MCF2L: variants seen among roughly 807,000 people sequenced by gnomAD.
MCF2L encodes the protein MCF.2 cell line derived transforming sequence like, also known as guanine nucleotide exchange factor DBS.
A neutral mutation model predicts 153.4 loss-of-function variants in MCF2L; 97 were observed. The observed-to-expected ratio is 0.63, with a 90% CI of 0.54 to 0.75. MCF2L has a LOEUF of 0.75. Among genes scored for constraint, MCF2L ranks in the 30% least tolerant of loss-of-function variants. MCF2L has a pLI of 0.00. For missense variants in MCF2L, 1,347 were observed against 1,495.2 expected, an observed-to-expected ratio of 0.90 and a Z score of 1.64; for synonymous variants, 659 against 632.2, an observed-to-expected ratio of 1.04 and a Z score of -0.64.
At chr13:112,934,479 C>T (rs947509009) in intron 2 of MCF2L, among the ~76,000 whole-genome samples, 2 of 150,924 alleles carry the variant, frequency 1.3e-5, no homozygotes, top group Non-Finnish European at 3.0e-5. Flanking sequence ...GCAACTCAGA[C>T]CCCTGGGCCC....
chr13:113,036,419 C>T (rs565670608), intron 3 of MCF2L, among the ~76,000 whole-genome samples: 21 of 152,338 alleles, frequency 1.4e-4, no homozygotes, highest in African/African-American at 4.6e-4. Flanking sequence ...CCAAGGCTGC[C>T]TGTGTCTCTG....
chr13:113,046,766 C>A lies in MCF2L; in HGVS notation c.369+1405C>A. The stretch of plus-strand genomic sequence containing the variant: ...GGCGGATCCCCGTTCCTGACCCTGA[C>A]TCAACCTGGCACACACCACCTATGG... On this transcript the variant is annotated intron_variant, in intron 4 of 29. Transcript: ENST00000535094. The surrounding 1 kb of genome is among the most constrained non-coding windows in gnomAD (Gnocchi z 4.4). 2.2e-6 allele frequency: 1 copy of A among 454,146 alleles called. No individual in the cohort carries two copies. Among genetic ancestry groups the A allele is most frequent in the South Asian group, 1.7e-5 (1 of 59,148 alleles). The allele number at this position is 454,146 out of a possible 1,614,324, so 28.1% of individuals were successfully genotyped here. A position where few individuals can be genotyped will look rare whatever the true frequency, so the allele number is the denominator to read the frequency against.
chr13:113,086,965 G>A (rs554859329), intron 21 of MCF2L, among the ~76,000 whole-genome samples: 14 of 152,116 alleles, frequency 9.2e-5, no homozygotes, highest in Non-Finnish European at 1.6e-4. Context: ...TTGGACAGGC[G>A]TGTAACATCC....
chr13:112,944,048 G>A (rs992369142), intron 2 of MCF2L, among the ~76,000 whole-genome samples: 4 of 145,998 alleles, frequency 2.7e-5, no homozygotes, highest in Non-Finnish European at 4.5e-5. Context: ...GTGAGGGGAG[G>A]GTCCCTGGCT....
chr13:112,950,115 G>A (rs1297594892), intron 2 of MCF2L, among the ~76,000 whole-genome samples: 4 of 150,684 alleles, frequency 2.7e-5, no homozygotes, highest in African/African-American at 7.3e-5. Context: ...CCAAAATTAT[G>A]TACACCAAAA....
rs2035710234 is a variant in MCF2L, at chr13:113,096,819, G to A, written c.3338G>A (p.Ser1113Asn). The change falls in exon 30 of 30, where the codon AGC (serine) becomes AAC (asparagine). Residue 1113 changes from serine to asparagine, a missense_variant. Ser to Asn is a conservative substitution (Grantham distance 46). Coordinates refer to ENST00000535094, the MANE Select transcript of MCF2L (RefSeq NM_001112732.3). Reference sequence around the variant, plus strand: ...GTGCTGAGCAACTCGTCCAGCTGCAGCGAGGGCGGCCAGGCCCCCTTCTCC... The same window carrying A: ...GTGCTGAGCAACTCGTCCAGCTGCAACGAGGGCGGCCAGGCCCCCTTCTCC... ...SAVLSNSSSC[S>N]EGGQAPFSDL... The A allele has an allele frequency of 6.5e-7, 1 of 1,537,084 alleles. No individual in the cohort carries two copies. Among genetic ancestry groups the A allele is most frequent in the Non-Finnish European group, 8.7e-7 (1 of 1,152,282 alleles).
In MCF2L at chr13:113,075,034, G is replaced by A. The variant is rs1396212263; in HGVS notation, c.1153G>A (p.Gly385Ser). The A allele has an allele frequency of 5.0e-6, 8 of 1,611,170 alleles. No homozygotes were observed. Among genetic ancestry groups the A allele is most frequent in the South Asian group, 3.3e-5 (3 of 91,006 alleles). ...GAGGGCCCGGGCCCTGTCTCTGGAC[G>A]GCGAGCAGCTCATTGGGAACAAGCA... is the stretch of plus-strand genomic sequence containing the variant. ...VERARALSLD[G>S]EQLIGNKHYA... Residue 385 changes from glycine to serine, a missense_variant, in exon 11 of 30, where the codon GGC becomes AGC. Transcript: ENST00000535094.
At chr13:112,938,183 CGCTG>C (rs1366465348) in intron 2 of MCF2L, among the ~76,000 whole-genome samples, 37 of 120,474 alleles carry the variant, frequency 3.1e-4, no homozygotes, top group African/African-American at 1.1e-3. Flanking sequence ...TTCAGGTGAG[CGCTG>C]AGGGGTTGGT....
intron 2 of MCF2L, among the ~76,000 whole-genome samples, chr13:112,924,841 C>A (rs1232282983): frequency 6.6e-6 from 1 of 152,292 alleles, no homozygotes; most frequent in East Asian, 1.9e-4. Context: ...TTCTATACAG[C>A]CTCTTTAATG....
chr13:112,953,980 GT>G, intron 2 of MCF2L, among the ~76,000 whole-genome samples: 1 of 152,244 alleles, frequency 6.6e-6, no homozygotes, highest in African/African-American at 2.4e-5. Flanking sequence ...CAACGGAACT[GT>G]CTGCTCTGAG....
rs1000112193 is a variant in MCF2L at position 113,064,437 on chromosome 13, C to A, written c.606+17C>A. On this transcript the variant is annotated intron_variant, in intron 6 of 29. Coordinates refer to ENST00000535094, the MANE Select transcript of MCF2L (RefSeq NM_001112732.3). This position sits in a 1 kb window ranked among gnomAD's most constrained non-coding sequence, Gnocchi z 6.0. The stretch of plus-strand genomic sequence containing the variant: ...CAGCGCACGGTGAGCCGCGTCGGGG[C>A]CAGCGGGGCTGGCTGATACCAGCTC... The A allele has an allele frequency of 9.0e-6, 14 of 1,551,194 alleles. No individual in the cohort carries two copies. The highest frequency in any genetic ancestry group is 1.1e-5 in the Non-Finnish European group (12 of 1,126,116).
intron 2 of MCF2L, among the ~76,000 whole-genome samples, chr13:113,020,809 T>C: frequency 6.6e-6 from 1 of 150,572 alleles, no homozygotes. Flanking sequence ...TGTGTATGTA[T>C]AGTGTGTGCG....
At chr13:112,896,466 G>A (rs930164345) in intron 1 of MCF2L, among the ~76,000 whole-genome samples, 1 of 139,194 alleles carries the variant, frequency 7.2e-6, no homozygotes, top group African/African-American at 3.4e-5. Context: ...GGCCCCCCCT[G>A]TCTTTACAGC....
At chr13:112,967,843 A>G (rs12323211), upstream of MCF2L, 21,448 of 149,062 alleles carry the variant, frequency 0.14, 2,870 homozygotes, top group African/African-American at 0.31. Flanking sequence ...GGAATGGTGC[A>G]CGCATGCCCT....
chr13:112,907,762 G>A lies in MCF2L; in HGVS notation c.169+5391G>A, dbSNP rs1420368430. ...TTGGGAGATTCATTGCTTTCTCCTT[G>A]CATGCCATTTAGTGTTGCAGAAAAC... On this transcript the variant is annotated intron_variant, in intron 2 of 29. Coordinates refer to the MCF2L transcript ENST00000375608. This position sits in a 1 kb window ranked among gnomAD's most constrained non-coding sequence, Gnocchi z 5.1. Among the ~76,000 whole-genome samples the A allele has an allele frequency of 6.6e-6, 1 of 152,110 alleles. No individual in the cohort carries two copies. The highest frequency in any genetic ancestry group is 2.4e-5 in the African/African-American group (1 of 41,404).
chr13:112,955,116 G>T (rs916513354), intron 2 of MCF2L, among the ~76,000 whole-genome samples: 1 of 152,196 alleles, frequency 6.6e-6, no homozygotes, highest in Admixed American at 6.5e-5. Flanking sequence ...TCAGGGACCC[G>T]AGGGAAAGCT....
At chr13:113,019,047 G>A (rs1480466301) in intron 2 of MCF2L, among the ~76,000 whole-genome samples, 2 of 152,112 alleles carry the variant, frequency 1.3e-5, no homozygotes, top group East Asian at 1.9e-4. Flanking sequence ...CGGGAAGAAC[G>A]CTGGAGACCT....
intron 4 of MCF2L, among the ~76,000 whole-genome samples, chr13:113,058,869 GCGC>G (rs2030836616): frequency 6.8e-6 from 1 of 146,680 alleles, no homozygotes; most frequent in Non-Finnish European, 1.5e-5. Context: ...TGATGTGTGG[GCGC>G]TGTGTATTTG....
intron 1 of MCF2L, among the ~76,000 whole-genome samples, chr13:112,897,825 C>T (rs1048443404): frequency 2.6e-5 from 4 of 152,172 alleles, no homozygotes; most frequent in Non-Finnish European, 4.4e-5. Flanking sequence ...CAGGTGGAGC[C>T]GTGGTGAGGG....
Sources: gnomAD v4.1 joint callset for allele counts (sites outside exome capture counted in the v4.1 genomes callset) on GRCh38, gnomAD v4.1.1 for gene constraint, Gnocchi (gnomAD v3.1) non-coding constraint, MANE v1.5 for transcripts, NCBI Gene and HGNC (gene_info 2026-07-23, HGNC 2026-07-21) for gene names.